The following CD2AP variants were observed in gnomAD, a reference collection of about 807,000 sequenced individuals.
CD2AP encodes the protein CD2-associated protein.
CD2AP carries 46 observed loss-of-function variants against 85.1 expected under a neutral mutation model. The observed-to-expected ratio is 0.54, with a 90% CI of 0.43 to 0.69. The LOEUF is 0.69. Among genes scored for constraint, CD2AP ranks in the 30% least tolerant of loss-of-function variants. The probability of loss-of-function intolerance (pLI) is 0.00; values close to 1 mark genes in which losing one functional copy is unlikely to be tolerated. For synonymous variants in CD2AP, 255 were observed against 252.9 expected, an observed-to-expected ratio of 1.01 and a Z score of -0.08; for missense variants, 769 against 729.5, an observed-to-expected ratio of 1.05 and a Z score of -0.62.
intron 17 of CD2AP, 128 bp downstream of exon 17, chr6:47,612,664 G>C: frequency 4.3e-6 from 3 of 699,410 alleles, no homozygotes; most frequent in Non-Finnish European, 7.9e-6. Flanking sequence ...ACACACAATG[G>C]ACTACTATTC....
chr6:47,479,700 G>A (rs1271357820), intron 1 of CD2AP, among the ~76,000 whole-genome samples: 2 of 152,150 alleles, frequency 1.3e-5, no homozygotes, highest in East Asian at 3.9e-4. Context: ...TGTCTTAAAT[G>A]GGATGCAGAA....
intron 15 of CD2AP, among the ~76,000 whole-genome samples, chr6:47,608,252 A>G (rs189248319): frequency 6.6e-6 from 1 of 152,202 alleles, no homozygotes; most frequent in Non-Finnish European, 1.5e-5. Context: ...TACATATTTC[A>G]TATTTTTTAA....
At chr6:47,541,439 G>A (rs1371449650) in intron 3 of CD2AP, among the ~76,000 whole-genome samples, 2 of 151,964 alleles carry the variant, frequency 1.3e-5, no homozygotes, top group Admixed American at 1.3e-4. Context: ...GCTTTCTTTG[G>A]CTTCTTTTAT....
In CD2AP at chr6:47,599,574, T is replaced by C. The variant is rs1769063042; in HGVS notation, c.1417+131T>C. The C allele has an allele frequency of 1.1e-5, 9 of 850,802 alleles. No individual in the cohort carries two copies. In the Admixed American group the frequency reaches 2.5e-4, roughly 23 times the overall value. The allele number at this position is 850,802 out of a possible 1,614,324, so 52.7% of individuals were successfully genotyped here. The stretch of plus-strand genomic sequence containing the variant: ...GTTGAAATTACACAGTTGAAATTTG[T>C]TTAAAATTTAGCAGCCAAAGTAGAA... On this transcript the variant is annotated intron_variant, in intron 13 of 17. Transcript: ENST00000359314.
chr6:47,478,718 C>G (rs1045978880), intron 1 of CD2AP, among the ~76,000 whole-genome samples: 3 of 152,026 alleles, frequency 2.0e-5, no homozygotes, highest in Non-Finnish European at 4.4e-5. Flanking sequence ...TAAATTTGTT[C>G]AAAAACTTTT....
At chr6:47,612,604 T>A (rs930762593) in intron 17 of CD2AP, 68 bp downstream of exon 17, 40 of 1,053,892 alleles carry the variant, frequency 3.8e-5, no homozygotes, top group Admixed American at 1.8e-5. Context: ...CCAACCCAAC[T>A]GGGTAATCGG....
chr6:47,540,717 A>G (rs557932409), intron 3 of CD2AP, among the ~76,000 whole-genome samples: 11 of 152,346 alleles, frequency 7.2e-5, no homozygotes, highest in African/African-American at 2.6e-4. Context: ...TGAGTAGTCC[A>G]TTTCACCTTA....
intron 4 of CD2AP, among the ~76,000 whole-genome samples, chr6:47,549,580 A>AACAC (rs1767459110): frequency 6.6e-6 from 1 of 152,116 alleles, no homozygotes; most frequent in African/African-American, 2.4e-5. Flanking sequence ...AACAAATGGA[A>AACAC]ACACATCTCA....
chr6:47,543,148 C>CAAAAAAAAAAAAAAAAAAAAAA (rs11338409), intron 3 of CD2AP, among the ~76,000 whole-genome samples: 30 of 60,328 alleles, frequency 5.0e-4, no homozygotes, highest in African/African-American at 7.0e-4. Context: ...AAGACTGTCT[C>CAAAAAAAAAAAAAAAAAAAAAA]AAAAAAAAAA....
At chr6:47,488,284 C>G (rs1246770477) in intron 1 of CD2AP, among the ~76,000 whole-genome samples, 1 of 151,862 alleles carries the variant, frequency 6.6e-6, no homozygotes, top group Non-Finnish European at 1.5e-5. Context: ...AGAGTTTGTT[C>G]AAAATAACTT....
At chr6:47,575,641 G>C (rs948731577) in intron 6 of CD2AP, among the ~76,000 whole-genome samples, 3 of 152,174 alleles carry the variant, frequency 2.0e-5, no homozygotes, top group Non-Finnish European at 4.4e-5. Flanking sequence ...AGTGTGTTCA[G>C]ATTTTTAAAT....
intron 2 of CD2AP, among the ~76,000 whole-genome samples, chr6:47,532,650 T>G (rs1239695657): frequency 2.6e-5 from 4 of 152,178 alleles, no homozygotes; most frequent in Non-Finnish European, 1.5e-5. Flanking sequence ...TGTCTAATTC[T>G]ATCGTTATAG....
chr6:47,598,036 A>G (rs1276419581), intron 12 of CD2AP, among the ~76,000 whole-genome samples: 1 of 150,748 alleles, frequency 6.6e-6, no homozygotes, highest in Admixed American at 6.6e-5. Context: ...TTAAAACATC[A>G]CCAATAAACT....
chr6:47,525,031 A>C, intron 2 of CD2AP, among the ~76,000 whole-genome samples: 1 of 152,076 alleles, frequency 6.6e-6, no homozygotes, highest in Non-Finnish European at 1.5e-5. Context: ...AAATGACTTT[A>C]AGTAGTTTTT....
chr6:47,513,881 A>C (rs1239255979), intron 2 of CD2AP, among the ~76,000 whole-genome samples: 1 of 142,886 alleles, frequency 7.0e-6, no homozygotes, highest in South Asian at 2.4e-4. Context: ...ACTTTAAAAA[A>C]AATTTTTTTT....
intron 5 of CD2AP, among the ~76,000 whole-genome samples, chr6:47,573,314 T>C (rs563936783): frequency 6.6e-6 from 1 of 152,262 alleles, no homozygotes; most frequent in Non-Finnish European, 1.5e-5. Context: ...TTATGAACTA[T>C]TGACCTTTTT....
chr6:47,565,731 T>C (rs776277036), intron 5 of CD2AP, among the ~76,000 whole-genome samples: 57 of 152,190 alleles, frequency 3.7e-4, no homozygotes, highest in Admixed American at 6.5e-5. Flanking sequence ...AAAAAATGTT[T>C]AGAATCTATT....
At chr6:47,492,632 G>T (rs757340925) in intron 1 of CD2AP, among the ~76,000 whole-genome samples, 1 of 152,048 alleles carries the variant, frequency 6.6e-6, no homozygotes, top group Non-Finnish European at 1.5e-5. Context: ...CCTGGCCTCT[G>T]TGTGTACATT....
At chr6:47,528,586 T>C (rs376378519) in intron 2 of CD2AP, among the ~76,000 whole-genome samples, 13 of 152,364 alleles carry the variant, frequency 8.5e-5, no homozygotes, top group African/African-American at 2.9e-4. Flanking sequence ...AATAGTAGTT[T>C]ATTAAGTATT....
Sources: allele counts gnomAD v4.1 joint callset (sites outside exome capture counted in the v4.1 genomes callset), GRCh38; gene constraint gnomAD v4.1.1; transcripts MANE v1.5; gene names NCBI Gene and HGNC (gene_info 2026-07-23, HGNC 2026-07-21).